KCNMA1: variants seen among roughly 807,000 people sequenced by gnomAD.
KCNMA1 encodes the protein potassium calcium-activated channel subfamily M alpha 1.
In KCNMA1, 29 loss-of-function variants were observed where a neutral mutation model predicts 140.0. The observed-to-expected ratio is 0.21, with a 90% CI of 0.15 to 0.28. The LOEUF is 0.28. KCNMA1 is among the 10% of genes least tolerant of loss of function. KCNMA1 has a pLI of 1.00. For synonymous variants in KCNMA1, 612 were observed against 611.9 expected (o/e 1.00, Z 0.00); for missense variants, 880 against 1,602.2 (o/e 0.55, Z 7.70).
At chr10:77,488,489 G>T (rs1321666751) in intron 1 of KCNMA1, among the ~76,000 whole-genome samples, 1 of 152,212 alleles carries the variant, frequency 6.6e-6, no homozygotes, top group Non-Finnish European at 1.5e-5. Context: ...GTGGGATAAG[G>T]CAAGGTGAGG....
intron 1 of KCNMA1, among the ~76,000 whole-genome samples, chr10:77,468,992 A>G (rs1438665702): frequency 6.6e-6 from 1 of 152,132 alleles, no homozygotes; most frequent in African/African-American, 2.4e-5. Context: ...TTCTGCAGAC[A>G]AGTCACACAC....
intron 2 of KCNMA1, among the ~76,000 whole-genome samples, chr10:77,277,991 T>C (rs2067160084): frequency 6.6e-6 from 1 of 152,212 alleles, no homozygotes; most frequent in African/African-American, 2.4e-5. Flanking sequence ...CAAGAGCTGT[T>C]CATGCAGCTC....
At chr10:77,079,895 T>C (rs1334446867) in intron 12 of KCNMA1, among the ~76,000 whole-genome samples, 1 of 152,192 alleles carries the variant, frequency 6.6e-6, no homozygotes, top group Non-Finnish European at 1.5e-5. Flanking sequence ...GTTGTCCAAT[T>C]ATGAAATCAA....
rs528613418 is a variant in KCNMA1 at position 77,199,170 on chromosome 10, G to C, written c.603-14254C>G. Among the ~76,000 whole-genome samples the C allele has an allele frequency of 7.9e-5, 12 of 152,228 alleles. No homozygotes were observed. In the South Asian group the frequency reaches 2.5e-3, roughly 32 times the overall value. On this transcript the variant is annotated intron_variant, in intron 3 of 27. Coordinates refer to ENST00000286628, the MANE Select transcript of KCNMA1 (RefSeq NM_001161352.2). ...TCTCTTATAGATTAAAAACTCAGAG[G>C]CTTAGTTGAATGACATCTTTTCAAA...
chr10:77,117,757 C>G (rs1270982752), intron 6 of KCNMA1, among the ~76,000 whole-genome samples: 2 of 151,706 alleles, frequency 1.3e-5, no homozygotes, highest in Non-Finnish European at 2.9e-5. Flanking sequence ...TGTGTTAGAT[C>G]TCCAGTTTGC....
intron 1 of KCNMA1, among the ~76,000 whole-genome samples, chr10:77,516,542 A>T (rs1405461049): frequency 6.6e-6 from 1 of 152,256 alleles, no homozygotes; most frequent in East Asian, 1.9e-4. Context: ...GTAGGTGCAC[A>T]GTAAACAGTG....
chr10:77,070,318 A>G (rs1038403508), intron 14 of KCNMA1, among the ~76,000 whole-genome samples: 1 of 152,080 alleles, frequency 6.6e-6, no homozygotes, highest in African/African-American at 2.4e-5. Flanking sequence ...TCTACAAAAA[A>G]TTAAAATAAA....
chr10:77,340,251 T>G (rs1280054655), intron 2 of KCNMA1, among the ~76,000 whole-genome samples: 1 of 152,222 alleles, frequency 6.6e-6, no homozygotes, highest in Non-Finnish European at 1.5e-5. Flanking sequence ...GGAACACTTT[T>G]ACACTGTTGG....
intron 17 of KCNMA1, among the ~76,000 whole-genome samples, chr10:77,018,372 C>T (rs1366239862): frequency 6.6e-6 from 1 of 152,194 alleles, no homozygotes; most frequent in Non-Finnish European, 1.5e-5. Flanking sequence ...GAATCAAATA[C>T]AATAATATTC....
intron 5 of KCNMA1, among the ~76,000 whole-genome samples, chr10:77,171,754 A>G (rs1302605788): frequency 6.6e-6 from 1 of 152,106 alleles, no homozygotes; most frequent in Admixed American, 6.5e-5. Flanking sequence ...TTGAACTCCA[A>G]CATTTTTATT....
chr10:77,046,074 A>G (rs1324450164), intron 14 of KCNMA1, among the ~76,000 whole-genome samples: 3 of 152,242 alleles, frequency 2.0e-5, no homozygotes, highest in Admixed American at 6.5e-5. Flanking sequence ...GAGTCGTAAC[A>G]TATACACACT....
At chr10:77,580,499 A>G (rs1603637545) in intron 1 of KCNMA1, among the ~76,000 whole-genome samples, 1 of 152,250 alleles carries the variant, frequency 6.6e-6, no homozygotes. Flanking sequence ...TAAAAAATGA[A>G]CGCATCAAAA....
intron 1 of KCNMA1, among the ~76,000 whole-genome samples, chr10:77,552,167 C>A (rs558826415): frequency 6.6e-6 from 1 of 152,304 alleles, no homozygotes; most frequent in South Asian, 2.1e-4. Flanking sequence ...GAGAGCCCAG[C>A]CACTACAAAG....
intron 12 of KCNMA1, among the ~76,000 whole-genome samples, chr10:77,080,382 A>G (rs1595506425): frequency 1.3e-5 from 2 of 152,154 alleles, no homozygotes; most frequent in South Asian, 4.1e-4. Flanking sequence ...CTGCCCTACC[A>G]TCAGCTTGCC....
At chr10:77,055,268 C>A (rs1426903460) in intron 14 of KCNMA1, among the ~76,000 whole-genome samples, 1 of 152,068 alleles carries the variant, frequency 6.6e-6, no homozygotes, top group East Asian at 1.9e-4. Flanking sequence ...ATTAGAAATA[C>A]CACCAAATCA....
intron 14 of KCNMA1, chr10:77,064,227 C>G (rs529751484): frequency 2.4e-6 from 1 of 412,210 alleles, no homozygotes; most frequent in African/African-American, 2.2e-5. Flanking sequence ...GCTAGGCAGA[C>G]AGTTTACACA....
intron 23 of KCNMA1, among the ~76,000 whole-genome samples, chr10:76,922,364 A>G (rs536313607): frequency 1.3e-5 from 2 of 152,168 alleles, no homozygotes; most frequent in Admixed American, 1.3e-4. Context: ...CCTTCTATGC[A>G]TAAGAAACCC....
intron 25 of KCNMA1, among the ~76,000 whole-genome samples, chr10:76,896,822 T>C (rs928312020): frequency 6.6e-6 from 1 of 152,062 alleles, no homozygotes; most frequent in African/African-American, 2.4e-5. Context: ...TGTTCTAAAA[T>C]TGACTGTAGT....
At chr10:77,520,392 G>A (rs2052942029) in intron 1 of KCNMA1, among the ~76,000 whole-genome samples, 1 of 151,912 alleles carries the variant, frequency 6.6e-6, no homozygotes, top group Non-Finnish European at 1.5e-5. Context: ...ACTTTACCAG[G>A]TGTGTGGCCC....
Sources: gnomAD v4.1 joint callset for allele counts (sites outside exome capture counted in the v4.1 genomes callset) on GRCh38, gnomAD v4.1.1 for gene constraint, MANE v1.5 for transcripts, NCBI Gene and HGNC (gene_info 2026-07-23, HGNC 2026-07-21) for gene names.